The following KEL variants were observed in gnomAD, a reference collection of about 807,000 sequenced individuals.
KEL encodes the protein Kell metallo-endopeptidase (Kell blood group).
Under a neutral mutation model 99.5 loss-of-function variants are expected in KEL, and 96 were observed. That is an observed-to-expected ratio of 0.97 (90% CI 0.82 to 1.14). KEL has a LOEUF of 1.14. Among genes scored for constraint, KEL ranks in the 50% most tolerant of loss-of-function variants. The pLI, the probability that KEL is intolerant of heterozygous loss-of-function variation, is 0.00. For missense variants in KEL, 926 were observed against 924.2 expected (o/e 1.00, Z -0.03); for synonymous variants, 355 against 354.8 (o/e 1.00, Z -0.01).
At position 142,941,169 on chromosome 7, in the gene KEL, A is replaced by C; in HGVS notation, c.*83T>G. On this transcript the variant is annotated 3_prime_UTR_variant, in exon 19 of 19. Transcript: ENST00000355265. ...TTTTATTTTTGGAACAGAAGCAGAA[A>C]GGAAATCTTGCTCTGATTCCATGGA... 1 of 1,475,694 alleles carries C rather than the reference A, an allele frequency of 6.8e-7. No individual in the cohort carries two copies. Among genetic ancestry groups the C allele is most frequent in the Non-Finnish European group, 9.5e-7 (1 of 1,055,006 alleles). The allele number at this position is 1,475,694 out of a possible 1,614,324, so 91.4% of individuals were successfully genotyped here.
At chr7:142,953,547 G>T in intron 9 of KEL, 1 of 340,200 alleles carries the variant, frequency 2.9e-6, no homozygotes. Flanking sequence ...AGGAAACCCC[G>T]TGTCTTGGCT....
intron 6 of KEL, among the ~76,000 whole-genome samples, chr7:142,954,902 C>A (rs1796791664): frequency 6.6e-6 from 1 of 152,166 alleles, no homozygotes; most frequent in African/African-American, 2.4e-5. Context: ...AATCAAACTG[C>A]AACCTAACTT....
Position 142,956,909 on chromosome 7 carries a change from G to A in KEL, c.672+918C>T, listed in dbSNP as rs534717416. Among the ~76,000 whole-genome samples, 68 of 152,282 alleles carry A rather than the reference G, an allele frequency of 4.5e-4. 1 individual carries two copies. The highest frequency in any genetic ancestry group is 1.5e-3 in the African/African-American group (63 of 41,554). On this transcript the variant is annotated intron_variant, in intron 6 of 18. Coordinates refer to ENST00000355265, the MANE Select transcript of KEL (RefSeq NM_000420.3). ...ACAGTAGGGCCCAAATATGCAGATA[G>A]CATTACATTGTTTAACCACAAGAGT...
Position 142,942,540 on chromosome 7 carries a change from G to A in KEL, c.1942-11C>T, listed in dbSNP as rs750119372. 6.3e-7 allele frequency: 1 copy of A among 1,592,362 alleles called. No individual in the cohort carries two copies. The highest frequency in any genetic ancestry group is 1.1e-5 in the South Asian group (1 of 88,262). ...CCTCTTGCTGTATGCCTGGGTAGGG[G>A]TGGGTAGAGAAGGGCCATCAGGCTC... is the stretch of plus-strand genomic sequence containing the variant. On this transcript the variant is annotated splice_polypyrimidine_tract_variant and intron_variant, in intron 17 of 18. Transcript: ENST00000355265.
intron 10 of KEL, among the ~76,000 whole-genome samples, chr7:142,948,415 A>G (rs1796588978): frequency 6.6e-6 from 1 of 152,212 alleles, no homozygotes; most frequent in Non-Finnish European, 1.5e-5. Flanking sequence ...ACAACCTCAG[A>G]ACCACAGATA....
rs749193900 is a variant in KEL, at chr7:142,953,982, G to A, written c.925-26C>T. ...CTTAGAGGAGGGACACAAAGCTGAG[G>A]GGGAAAAGGAAAAGAGAAGGAAGGG... On this transcript the variant is annotated intron_variant, in intron 8 of 18. Coordinates refer to ENST00000355265, the MANE Select transcript of KEL (RefSeq NM_000420.3). 3.7e-6 allele frequency: 6 copies of A among 1,611,688 alleles called. No individual in the cohort carries two copies. The African/African-American group carries it at 4.0e-5, about 11-fold the overall frequency.
In KEL at chr7:142,943,811, T is replaced by A; in HGVS notation, c.1564A>T (p.Ser522Cys). ...TGTTGGGGGTGAGGCTGCAAGAAGC[T>A]CTGGACAATTCTAGCTCGGAGGGAC... ...VRSLRARIVQ[S>C]FLQPHPQHRW... The change falls in exon 14 of 19, where the codon AGC becomes TGC. Residue 522 changes from serine to cysteine, a missense_variant. Coordinates refer to ENST00000355265, the MANE Select transcript of KEL (RefSeq NM_000420.3). The A allele has an allele frequency of 6.2e-7, 1 of 1,614,068 alleles. No individual in the cohort carries two copies. The highest frequency in any genetic ancestry group is 1.7e-4 in the Middle Eastern group (1 of 6,060).
In KEL at chr7:142,962,195, G is replaced by A; in HGVS notation, c.3+9C>T. The A allele has an allele frequency of 6.2e-7, 1 of 1,614,082 alleles. No individual in the cohort carries two copies. On this transcript the variant is annotated intron_variant, in intron 1 of 18. Transcript: ENST00000355265. Reference sequence around the variant, plus strand: ...CCCGCTAAGCCTCTGACTCCAAAAGGGGACTTACCATCTGTCTATCTTCTG... The same window carrying A: ...CCCGCTAAGCCTCTGACTCCAAAAGAGGACTTACCATCTGTCTATCTTCTG...
Position 142,944,419 on chromosome 7 carries a change from G to T in KEL, c.1414-19C>A. 1 of 1,596,016 alleles carries T rather than the reference G, an allele frequency of 6.3e-7. No homozygotes were observed. The highest frequency in any genetic ancestry group is 8.6e-7 in the Non-Finnish European group (1 of 1,163,326). On this transcript the variant is annotated intron_variant, in intron 12 of 18. Transcript: ENST00000355265. ...GAGCAACCTGGAGAGAGACACAGAA[G>T]AGGCTAGGAATACTCTCCGAGTCTA...
intron 2 of KEL, 39 bp from the exon 3 acceptor site, chr7:142,961,540 G>T: frequency 2.5e-6 from 4 of 1,569,974 alleles, no homozygotes; most frequent in Non-Finnish European, 3.5e-6. Context: ...ACAAGATGGG[G>T]GTTGAGAGAC....
chr7:142,958,233 T>C, intron 5 of KEL, 71 bp downstream of exon 5: 2 of 1,609,534 alleles, frequency 1.2e-6, no homozygotes, highest in Non-Finnish European at 1.7e-6. Context: ...GAAAAAAAAA[T>C]GGCAGCCCTA....
intron 18 of KEL, chr7:142,942,116 C>T (rs1796375957): frequency 4.7e-6 from 2 of 423,410 alleles, no homozygotes; most frequent in Non-Finnish European, 8.6e-6. Flanking sequence ...ACCACAGGCT[C>T]ATTTTTAAGG....
intron 10 of KEL, among the ~76,000 whole-genome samples, chr7:142,947,763 T>C (rs1458267878): frequency 6.6e-6 from 1 of 152,124 alleles, no homozygotes; most frequent in African/African-American, 2.4e-5. Flanking sequence ...GCTCAAGTGG[T>C]CCATCTGCCT....
chr7:142,952,505 T>C lies in KEL; in HGVS notation c.1203+4A>G. 6.2e-6 allele frequency: 10 copies of C among 1,613,774 alleles called. No homozygotes were observed. Among genetic ancestry groups the C allele is most frequent in the Non-Finnish European group, 7.6e-6 (9 of 1,180,018 alleles). ...TGGGCAAATACACCCGCTCCTCTCC[T>C]CACCATGGGTGGTTGCTCTGTCAGT... On this transcript the variant is annotated splice_donor_region_variant and intron_variant, in intron 10 of 18. Coordinates refer to ENST00000355265, the MANE Select transcript of KEL (RefSeq NM_000420.3).
intron 4 of KEL, among the ~76,000 whole-genome samples, chr7:142,960,330 C>T (rs1465892156): frequency 6.6e-6 from 1 of 152,128 alleles, no homozygotes; most frequent in Non-Finnish European, 1.5e-5. Flanking sequence ...ACTTGCTTGC[C>T]ATGGTTCAAG....
intron 9 of KEL, 91 bp downstream of exon 9, chr7:142,953,717 G>T: frequency 6.7e-7 from 1 of 1,491,706 alleles, no homozygotes. Context: ...TTACCAGCCT[G>T]CCTTCCCCAA....
intron 4 of KEL, among the ~76,000 whole-genome samples, chr7:142,959,880 C>A (rs1796912160): frequency 6.6e-6 from 1 of 152,098 alleles, no homozygotes; most frequent in Non-Finnish European, 1.5e-5. Flanking sequence ...CCACTCTTTC[C>A]CCATCAAAAA....
At chr7:142,961,942 A>G in intron 1 of KEL, 70 bp from the exon 2 acceptor site, 1 of 1,601,494 alleles carries the variant, frequency 6.2e-7, no homozygotes, top group Non-Finnish European at 8.6e-7. Context: ...AGAGAGTTTT[A>G]TCAGGCCATT....
chr7:142,959,895 G>C (rs1796912702), intron 4 of KEL, among the ~76,000 whole-genome samples: 1 of 152,168 alleles, frequency 6.6e-6, no homozygotes, highest in Non-Finnish European at 1.5e-5. Context: ...CAAAAAAAGA[G>C]GGCAGAGGGG....
Sources: allele counts gnomAD v4.1 joint callset (sites outside exome capture counted in the v4.1 genomes callset), GRCh38; gene constraint gnomAD v4.1.1; transcripts MANE v1.5; gene names NCBI Gene and HGNC (gene_info 2026-07-23, HGNC 2026-07-21).